MYO10: variants seen among roughly 807,000 people sequenced by gnomAD.
MYO10 encodes the protein unconventional myosin-X.
In MYO10, 133 loss-of-function variants were observed where a neutral mutation model predicts 257.3. The ratio of observed to expected loss-of-function variants is 0.52; its 90% CI spans 0.45 to 0.60. The LOEUF is 0.60. MYO10 is among the 20% of genes least tolerant of loss of function. The pLI is 0.00. For synonymous variants in MYO10, 1,104 were observed against 1,028.6 expected (o/e 1.07, Z -1.40); for missense variants, 2,399 against 2,635.7 (o/e 0.91, Z 1.97).
At chr5:16,782,507 T>C (rs928753473) in intron 5 of MYO10, among the ~76,000 whole-genome samples, 1 of 152,206 alleles carries the variant, frequency 6.6e-6, no homozygotes, top group African/African-American at 2.4e-5. Flanking sequence ...CAAACATGAA[T>C]GTACTTAATG....
intron 39 of MYO10, among the ~76,000 whole-genome samples, chr5:16,670,057 C>A (rs1013573708): frequency 2.0e-5 from 3 of 151,948 alleles, no homozygotes; most frequent in Non-Finnish European, 4.4e-5. Context: ...AATAAGCGGT[C>A]TACTTAAAAC....
chr5:16,685,941 T>C (rs1737234889), intron 28 of MYO10, 110 bp from the exon 29 acceptor site: 4 of 774,400 alleles, frequency 5.2e-6, no homozygotes, highest in Non-Finnish European at 8.6e-6. Context: ...GCACCTTTGC[T>C]TTTAATTTGA....
In MYO10 at chr5:16,666,423, T is replaced by C. The variant is rs1227873936; in HGVS notation, c.*269A>G. 1 of 386,106 alleles carries C rather than the reference T, an allele frequency of 2.6e-6. No individual in the cohort carries two copies. The highest frequency in any genetic ancestry group is 4.6e-6 in the Non-Finnish European group (1 of 217,042). 23.9% of individuals were successfully genotyped at this position (386,106 alleles called of 1,614,324 possible). A position where few individuals can be genotyped will look rare whatever the true frequency, so the allele number is the denominator to read the frequency against. ...ACTTCCGGCTGCTTTGGTGGCAGCG[T>C]GGTTCCTCCCCTCCTTTTTTAAGGC... is the stretch of plus-strand genomic sequence containing the variant. On this transcript the variant is annotated 3_prime_UTR_variant, in exon 41 of 41. Coordinates refer to ENST00000513610, the MANE Select transcript of MYO10 (RefSeq NM_012334.3).
intron 1 of MYO10, among the ~76,000 whole-genome samples, chr5:16,889,498 GGAAGGAA>G (rs1744986990): frequency 1.9e-5 from 1 of 52,614 alleles, no homozygotes; most frequent in Admixed American, 2.5e-4. Flanking sequence ...AAGGAAGGAA[GGAAGGAA>G]GGAAGGAAGG....
intron 33 of MYO10, among the ~76,000 whole-genome samples, chr5:16,679,524 G>GTTT (rs33919452): frequency 5.7e-5 from 7 of 122,652 alleles, no homozygotes; most frequent in African/African-American, 1.9e-4. Context: ...TTTTTTGGGT[G>GTTT]TTTTTTTTTT....
At chr5:16,726,547 T>C (rs2126608372) in intron 19 of MYO10, among the ~76,000 whole-genome samples, 1 of 152,318 alleles carries the variant, frequency 6.6e-6, no homozygotes, top group Admixed American at 6.5e-5. Context: ...TTAACACAGC[T>C]GAGCTTCAAA....
Position 16,663,115 on chromosome 5 carries a change from A to C in MYO10, c.*3577T>G, listed in dbSNP as rs1736033854. On this transcript the variant is annotated 3_prime_UTR_variant, in exon 41 of 41. Transcript: ENST00000513610. ...GTATTAATGTAGGATTAGAGCTAAAATACTATGCTGAGAAAAAAGTAAGCT... is the reference window on the plus strand; with the variant it reads ...GTATTAATGTAGGATTAGAGCTAAACTACTATGCTGAGAAAAAAGTAAGCT... 6.6e-6 allele frequency: 1 copy of C among 152,200 alleles called. No homozygotes were observed. Among genetic ancestry groups the C allele is most frequent in the South Asian group, 2.1e-4 (1 of 4,832 alleles). The allele number at this position is 152,200 out of a possible 1,614,324, so 9.4% of individuals were successfully genotyped here.
chr5:16,906,240 C>G (rs1289030186), intron 1 of MYO10, among the ~76,000 whole-genome samples: 1 of 152,138 alleles, frequency 6.6e-6, no homozygotes, highest in Non-Finnish European at 1.5e-5. Context: ...AACACCACAC[C>G]CTGGAATGAG....
intron 14 of MYO10, among the ~76,000 whole-genome samples, 172 bp from the exon 15 acceptor site, chr5:16,762,809 A>G (rs1740758048): frequency 6.6e-6 from 1 of 151,924 alleles, no homozygotes; most frequent in African/African-American, 2.4e-5. Flanking sequence ...TAAATATACA[A>G]AAAAATTAAC....
At chr5:16,778,970 A>C (rs542574816) in intron 9 of MYO10, among the ~76,000 whole-genome samples, 2 of 152,074 alleles carry the variant, frequency 1.3e-5, no homozygotes, top group Non-Finnish European at 2.9e-5. Context: ...GATTATAGGC[A>C]TGAGCCACCG....
At chr5:16,895,941 G>A (rs1028646477) in intron 1 of MYO10, among the ~76,000 whole-genome samples, 1 of 152,172 alleles carries the variant, frequency 6.6e-6, no homozygotes. Flanking sequence ...GGAGGAGCAG[G>A]GCAGGAGCTC....
chr5:16,841,378 T>C (rs1743476070), intron 2 of MYO10, among the ~76,000 whole-genome samples: 2 of 152,162 alleles, frequency 1.3e-5, no homozygotes, highest in South Asian at 4.1e-4. Context: ...TACTTATTAC[T>C]AACAACACAA....
At chr5:16,713,487 A>AT (rs1276280798) in intron 19 of MYO10, 1 of 985,688 alleles carries the variant, frequency 1.0e-6, no homozygotes, top group Non-Finnish European at 1.2e-6. Context: ...CCCGGTCGCC[A>AT]TGACAACCCC....
intron 3 of MYO10, among the ~76,000 whole-genome samples, chr5:16,796,259 GAGAGAA>G (rs1294245860): frequency 4.8e-5 from 7 of 147,358 alleles, no homozygotes; most frequent in East Asian, 3.9e-4. Flanking sequence ...GAGAGAGAGA[GAGAGAA>G]AGAAAGAAGG....
chr5:16,683,430 T>C (rs1373802394), intron 30 of MYO10, among the ~76,000 whole-genome samples: 3 of 152,138 alleles, frequency 2.0e-5, no homozygotes, highest in Non-Finnish European at 2.9e-5. Context: ...AGAAGAAATG[T>C]CAAGGAAAAT....
At chr5:16,680,623 G>A (rs1252472585) in intron 32 of MYO10, among the ~76,000 whole-genome samples, 1 of 152,092 alleles carries the variant, frequency 6.6e-6, no homozygotes, top group African/African-American at 2.4e-5. Flanking sequence ...ATCACAACCA[G>A]CAACAAAAAT....
At chr5:16,844,910 A>G (rs1303553592) in intron 2 of MYO10, among the ~76,000 whole-genome samples, 1 of 151,638 alleles carries the variant, frequency 6.6e-6, no homozygotes, top group African/African-American at 2.4e-5. Flanking sequence ...CTCCAACAAG[A>G]TTTTATTCCA....
intron 19 of MYO10, among the ~76,000 whole-genome samples, chr5:16,748,621 A>AGAGGGAGGGAGGGAGGGAGG (rs34338717): frequency 3.1e-4 from 42 of 135,510 alleles, no homozygotes; most frequent in African/African-American, 1.1e-3. Context: ...AGAGAGGGAG[A>AGAGGGAGGGAGGGAGGGAGG]GAGGGAGGGA....
chr5:16,877,560 C>T, intron 2 of MYO10, 49 bp downstream of exon 2: 1 of 1,481,602 alleles, frequency 6.7e-7, no homozygotes, highest in Non-Finnish European at 9.4e-7. Context: ...GCACGAATAG[C>T]TACAAAGCAG....
Sources: allele counts gnomAD v4.1 joint callset (sites outside exome capture counted in the v4.1 genomes callset), GRCh38; gene constraint gnomAD v4.1.1; transcripts MANE v1.5; gene names NCBI Gene and HGNC (gene_info 2026-07-23, HGNC 2026-07-21).